The following VTI1A variants were observed in gnomAD, a reference collection of about 807,000 sequenced individuals.
VTI1A encodes vesicle transport through interaction with t-SNAREs 1A.
A neutral mutation model predicts 34.9 loss-of-function variants in VTI1A; 22 were observed. The observed-to-expected ratio is 0.63, with a 90% confidence interval of 0.45 to 0.90. VTI1A has a LOEUF of 0.90. Ranked by LOEUF, VTI1A falls within the 40% of genes least tolerant of loss-of-function variation. The pLI, the probability that VTI1A is intolerant of heterozygous loss-of-function variation, is 0.00. For synonymous variants in VTI1A, 87 were observed against 97.3 expected, an observed-to-expected ratio of 0.89 and a Z score of 0.62; for missense variants, 268 against 275.6, an observed-to-expected ratio of 0.97 and a Z score of 0.20.
the VTI1A span, among the ~76,000 whole-genome samples, chr10:112,832,824 T>C: frequency 1.1e-4 from 16 of 152,350 alleles, no homozygotes; most frequent in Admixed American, 9.1e-4. Context: ...TGCCAAGCTC[T>C]GTAACTCAGC....
intron 5 of VTI1A, among the ~76,000 whole-genome samples, chr10:112,546,002 G>A (rs56188434): frequency 0.029 from 3,590 of 122,556 alleles, 55 homozygotes; most frequent in South Asian, 0.046. Flanking sequence ...ACGTGTATAC[G>A]CGTATGTGTG....
chr10:112,712,878 T>C (rs1262056982), intron 7 of VTI1A, among the ~76,000 whole-genome samples: 2 of 152,184 alleles, frequency 1.3e-5, no homozygotes, highest in African/African-American at 4.8e-5. Flanking sequence ...CATTGTTGTC[T>C]TTAAATTTGG....
chr10:112,647,526 A>G (rs1392447529), intron 5 of VTI1A, among the ~76,000 whole-genome samples: 1 of 152,224 alleles, frequency 6.6e-6, no homozygotes, highest in African/African-American at 2.4e-5. Context: ...GACAGCCCCA[A>G]CATGCAAAAT....
chr10:112,841,500 C>T, the VTI1A span, among the ~76,000 whole-genome samples: 3 of 152,150 alleles, frequency 2.0e-5, no homozygotes, highest in South Asian at 2.1e-4. Context: ...AGAAGAGGGG[C>T]GTTGGGAGCC....
intron 7 of VTI1A, among the ~76,000 whole-genome samples, chr10:112,770,206 A>C (rs1400906362): frequency 6.6e-6 from 1 of 152,022 alleles, no homozygotes; most frequent in African/African-American, 2.4e-5. Context: ...TTGAATTCCA[A>C]CTGGATGCTG....
chr10:112,468,646 A>G (rs1847982086), intron 3 of VTI1A, among the ~76,000 whole-genome samples: 3 of 152,090 alleles, frequency 2.0e-5, no homozygotes, highest in African/African-American at 7.2e-5. Context: ...TACCCTTTGG[A>G]TGCCTGGATC....
At chr10:112,749,564 A>C (rs1367369625) in intron 7 of VTI1A, among the ~76,000 whole-genome samples, 1 of 152,244 alleles carries the variant, frequency 6.6e-6, no homozygotes, top group Non-Finnish European at 1.5e-5. Flanking sequence ...TGCTTACAGC[A>C]GTCCTTCGTA....
At chr10:112,531,684 T>C (rs1850449200) in intron 4 of VTI1A, among the ~76,000 whole-genome samples, 2 of 152,186 alleles carry the variant, frequency 1.3e-5, no homozygotes, top group Non-Finnish European at 2.9e-5. Flanking sequence ...CCAAATGGTC[T>C]CTATTGCTGA....
At chr10:112,799,924 C>CAG (rs59003027) in intron 7 of VTI1A, among the ~76,000 whole-genome samples, 1,565 of 148,300 alleles carry the variant, frequency 0.011, 11 homozygotes, top group African/African-American at 0.019. Context: ...CCCTGGAGCC[C>CAG]AGAGAGAGAG....
At chr10:112,534,346 T>A (rs1850548598) in intron 4 of VTI1A, among the ~76,000 whole-genome samples, 1 of 152,178 alleles carries the variant, frequency 6.6e-6, no homozygotes, top group Non-Finnish European at 1.5e-5. Context: ...GATAGTCATA[T>A]TTTTTATTTA....
intron 7 of VTI1A, among the ~76,000 whole-genome samples, chr10:112,787,649 T>C (rs1050207295): frequency 6.6e-6 from 1 of 151,612 alleles, no homozygotes; most frequent in South Asian, 2.1e-4. Context: ...TACTCAATTA[T>C]CTAATACTTA....
At chr10:112,705,283 A>G (rs1385312213) in intron 7 of VTI1A, among the ~76,000 whole-genome samples, 1 of 152,072 alleles carries the variant, frequency 6.6e-6, no homozygotes, top group African/African-American at 2.4e-5. Context: ...AGAAAGAGAT[A>G]AGCGCTAGAA....
chr10:112,843,156 C>T, the VTI1A span, among the ~76,000 whole-genome samples: 4 of 152,334 alleles, frequency 2.6e-5, no homozygotes, highest in Non-Finnish European at 4.4e-5. Context: ...TCTTCGCCTC[C>T]CAATTCTCCC....
intron 4 of VTI1A, among the ~76,000 whole-genome samples, chr10:112,529,272 G>A (rs1359060039): frequency 4.6e-5 from 7 of 152,088 alleles, no homozygotes; most frequent in South Asian, 2.1e-4. Context: ...TGGATATTTC[G>A]TTACCAAATG....
intron 1 of VTI1A, among the ~76,000 whole-genome samples, chr10:112,456,163 G>C (rs1387441007): frequency 6.6e-6 from 1 of 152,162 alleles, no homozygotes; most frequent in Admixed American, 6.5e-5. Flanking sequence ...GCTCACACCT[G>C]TAATCCCAGC....
rs982407922 is a variant in VTI1A at position 112,818,066 on chromosome 10, G to A, written c.*2683G>A. The A allele has an allele frequency of 8.6e-6, 2 of 233,424 alleles. No individual in the cohort carries two copies. Among genetic ancestry groups the A allele is most frequent in the African/African-American group, 4.4e-5 (2 of 45,344 alleles). The allele number at this position is 233,424 out of a possible 1,614,324, so 14.5% of individuals were successfully genotyped here. On this transcript the variant is annotated 3_prime_UTR_variant, in exon 8 of 8. Transcript: ENST00000393077. ...GAATGCCTGCAAATGCAGTGGGTCT[G>A]ACGTCAGCTGCCGGGCCTGGGCTGG...
chr10:112,726,952 C>T (rs377522658), intron 7 of VTI1A, among the ~76,000 whole-genome samples: 7 of 152,072 alleles, frequency 4.6e-5, no homozygotes, highest in South Asian at 2.1e-4. Flanking sequence ...GATGTCATTC[C>T]GTGACATCAT....
chr10:112,538,531 G>T, intron 5 of VTI1A: 1 of 530,950 alleles, frequency 1.9e-6, no homozygotes, highest in Non-Finnish European at 3.4e-6. Flanking sequence ...AACAGTTCCT[G>T]AGGTTTAAAA....
At chr10:112,715,953 C>T (rs763000162) in intron 7 of VTI1A, among the ~76,000 whole-genome samples, 3 of 152,196 alleles carry the variant, frequency 2.0e-5, no homozygotes, top group African/African-American at 4.8e-5. Context: ...GGAAGACACG[C>T]TGCTTTACCA....
Sources: gnomAD v4.1 joint callset for allele counts (sites outside exome capture counted in the v4.1 genomes callset) on GRCh38, gnomAD v4.1.1 for gene constraint, MANE v1.5 for transcripts, NCBI Gene and HGNC (gene_info 2026-07-23, HGNC 2026-07-21) for gene names.